Variants in GRID1 observed in about 807,000 individuals in gnomAD.
The protein encoded by GRID1 is glutamate receptor ionotropic, delta-1.
In GRID1, 28 loss-of-function variants were observed where a neutral mutation model predicts 98.0. The observed-to-expected ratio is 0.29, with a 90% CI of 0.21 to 0.39. The LOEUF is 0.39. Ranked by LOEUF, GRID1 falls within the 10% of genes least tolerant of loss-of-function variation. GRID1 has a pLI of 1.00. For synonymous variants in GRID1, 553 were observed against 538.5 expected (o/e 1.03, Z -0.37); for missense variants, 1,111 against 1,340.5 (o/e 0.83, Z 2.67).
At chr10:86,298,304 T>C (rs997815638) in intron 2 of GRID1, among the ~76,000 whole-genome samples, 2 of 152,180 alleles carry the variant, frequency 1.3e-5, no homozygotes, top group African/African-American at 4.8e-5. Context: ...TGTGCCATAA[T>C]TAAAAATATG....
rs1289021195 is a variant in GRID1 at position 85,647,317 on chromosome 10, G to A, written c.2078C>T (p.Ala693Val). 1.2e-6 allele frequency: 2 copies of A among 1,614,154 alleles called. No homozygotes were observed. The highest frequency in any genetic ancestry group is 3.3e-5 in the Admixed American group (2 of 60,036). The change falls in exon 13 of 16, where the codon GCC becomes GTC. Residue 693 changes from alanine (A) to valine (V), a missense_variant. Transcript: ENST00000327946. ...RDSAVYEYFRAKGTNPLEQDS... is the reference protein window; with the variant it reads ...RDSAVYEYFRVKGTNPLEQDS... ...CTGCTCCAGGGGGTTGGTGCCCTTGGCTCGGAAGTACTCATATACAGCAGA... is the reference window on the plus strand; with the variant it reads ...CTGCTCCAGGGGGTTGGTGCCCTTGACTCGGAAGTACTCATATACAGCAGA...
chr10:85,992,522 T>C (rs758952548), intron 4 of GRID1, among the ~76,000 whole-genome samples: 1 of 151,164 alleles, frequency 6.6e-6, no homozygotes, highest in Non-Finnish European at 1.5e-5. Flanking sequence ...TCACTGGGCA[T>C]GAGCCAGATT....
intron 13 of GRID1, among the ~76,000 whole-genome samples, chr10:85,642,959 T>A (rs1843141165): frequency 6.6e-6 from 1 of 152,142 alleles, no homozygotes; most frequent in African/African-American, 2.4e-5. Flanking sequence ...GGAGTGGATC[T>A]CAGAGGCGAG....
At chr10:85,756,048 G>C (rs1424355121) in intron 8 of GRID1, among the ~76,000 whole-genome samples, 5 of 151,852 alleles carry the variant, frequency 3.3e-5, no homozygotes, top group Admixed American at 3.3e-4. Context: ...TCCCTTATCT[G>C]AGGGGGATAC....
intron 4 of GRID1, among the ~76,000 whole-genome samples, chr10:86,104,728 C>T (rs1844354524): frequency 6.6e-6 from 1 of 152,246 alleles, no homozygotes. Flanking sequence ...CTGCCTCTGT[C>T]CCTTCAATGT....
chr10:85,670,659 C>T (rs1016356040), intron 12 of GRID1, among the ~76,000 whole-genome samples: 10 of 152,092 alleles, frequency 6.6e-5, no homozygotes, highest in East Asian at 1.9e-4. Context: ...ATCTCCTGCT[C>T]GTGGCCAACT....
At chr10:86,287,242 C>A (rs934897159) in intron 2 of GRID1, among the ~76,000 whole-genome samples, 3 of 152,168 alleles carry the variant, frequency 2.0e-5, no homozygotes. Flanking sequence ...GCCTGAACTG[C>A]AGTCCCCAAA....
At chr10:85,672,265 A>G (rs1203640474) in intron 12 of GRID1, among the ~76,000 whole-genome samples, 2 of 152,234 alleles carry the variant, frequency 1.3e-5, no homozygotes, top group Non-Finnish European at 2.9e-5. Flanking sequence ...CTCAGCAACC[A>G]TTCTGAAAAG....
chr10:86,093,012 T>C lies in GRID1; in HGVS notation c.726+45807A>G, dbSNP rs566671891. On this transcript the variant is annotated intron_variant, in intron 4 of 15. Coordinates refer to ENST00000327946, the MANE Select transcript of GRID1 (RefSeq NM_017551.3). ...ATGAGTCTCAATAAATTTAAGAAAATTCAAATTATATCAAGCACTCTCCCA... is the reference window on the plus strand; with the variant it reads ...ATGAGTCTCAATAAATTTAAGAAAACTCAAATTATATCAAGCACTCTCCCA... 1.0e-3 allele frequency among the ~76,000 whole-genome samples: 159 copies of C among 151,912 alleles called. 5 individuals are homozygous for C. In the South Asian group the frequency reaches 0.032, roughly 31 times the overall value.
At chr10:86,280,398 A>C (rs190125808) in intron 2 of GRID1, among the ~76,000 whole-genome samples, 10 of 152,132 alleles carry the variant, frequency 6.6e-5, no homozygotes, top group African/African-American at 2.4e-4. Flanking sequence ...CTTGTTCTTC[A>C]TTTCAGGAGC....
chr10:86,091,119 G>T (rs145863244), intron 4 of GRID1, among the ~76,000 whole-genome samples: 2 of 152,140 alleles, frequency 1.3e-5, no homozygotes, highest in African/African-American at 4.8e-5. Context: ...CAATTTGAGC[G>T]GGGTGAGAAG....
intron 4 of GRID1, among the ~76,000 whole-genome samples, chr10:86,035,579 G>C (rs374900929): frequency 6.6e-6 from 1 of 152,064 alleles, no homozygotes; most frequent in South Asian, 2.1e-4. Flanking sequence ...GCACAGAGCA[G>C]GTCTATGAAG....
At chr10:85,731,162 T>C (rs538959047) in intron 8 of GRID1, among the ~76,000 whole-genome samples, 6 of 152,104 alleles carry the variant, frequency 3.9e-5, no homozygotes, top group Non-Finnish European at 7.3e-5. Flanking sequence ...CTCTGAGATG[T>C]AAAACCATCA....
chr10:86,138,086 C>T (rs1043628721), intron 4 of GRID1, among the ~76,000 whole-genome samples: 1 of 152,136 alleles, frequency 6.6e-6, no homozygotes, highest in Admixed American at 6.5e-5. Flanking sequence ...AGCTCACCCC[C>T]CAAAACCAAC....
intron 12 of GRID1, among the ~76,000 whole-genome samples, chr10:85,704,993 A>T (rs1395805168): frequency 6.6e-6 from 1 of 152,194 alleles, no homozygotes; most frequent in African/African-American, 2.4e-5. Flanking sequence ...AATTTATAGC[A>T]CTAAATACCC....
At chr10:86,088,467 T>A (rs1332992416) in intron 4 of GRID1, among the ~76,000 whole-genome samples, 1 of 152,252 alleles carries the variant, frequency 6.6e-6, no homozygotes, top group African/African-American at 2.4e-5. Context: ...GTACTTTGAC[T>A]AATTTTGTAT....
At chr10:86,073,806 G>A (rs1229337501) in intron 4 of GRID1, among the ~76,000 whole-genome samples, 1 of 152,178 alleles carries the variant, frequency 6.6e-6, no homozygotes, top group Non-Finnish European at 1.5e-5. Context: ...AAAAAGAAGA[G>A]ACCCACATGC....
chr10:85,663,354 C>G (rs1840986771), intron 12 of GRID1, among the ~76,000 whole-genome samples: 1 of 152,140 alleles, frequency 6.6e-6, no homozygotes, highest in South Asian at 2.1e-4. Context: ...ATCTACAAGC[C>G]AAAGAACACC....
At chr10:85,669,504 G>A (rs1323338931) in intron 12 of GRID1, among the ~76,000 whole-genome samples, 2 of 152,160 alleles carry the variant, frequency 1.3e-5, no homozygotes, top group African/African-American at 4.8e-5. Flanking sequence ...AGAGAGTGGA[G>A]TTCACACTTT....
Sources: allele counts gnomAD v4.1 joint callset (sites outside exome capture counted in the v4.1 genomes callset), GRCh38; gene constraint gnomAD v4.1.1; transcripts MANE v1.5; gene names NCBI Gene and HGNC (gene_info 2026-07-23, HGNC 2026-07-21).